Variants in GNRH1 observed in about 807,000 individuals in gnomAD.
The protein encoded by GNRH1 is gonadotropin releasing hormone 1.
Under a neutral mutation model 13.6 loss-of-function variants are expected in GNRH1, and 9 were observed. That is an observed-to-expected ratio of 0.66 (90% CI 0.40 to 1.15). The LOEUF (loss-of-function observed/expected upper bound fraction) is 1.15, where lower values mean the gene tolerates loss of function less well. Among genes scored for constraint, GNRH1 ranks in the 50% most tolerant of loss-of-function variants. The pLI, the probability that GNRH1 is intolerant of heterozygous loss-of-function variation, is 0.01. For synonymous variants in GNRH1, 44 were observed against 40.1 expected (o/e 1.10, Z -0.37); for missense variants, 116 against 110.8 (o/e 1.05, Z -0.21).
chr8:25,420,307 G>A (rs916618374), intron 3 of GNRH1, among the ~76,000 whole-genome samples: 4 of 151,502 alleles, frequency 2.6e-5, no homozygotes, highest in Admixed American at 2.0e-4. Flanking sequence ...TCAGCTACTC[G>A]GGAGGCTGAG....
At chr8:25,422,178 T>TTA (rs1801782511) in intron 2 of GNRH1, among the ~76,000 whole-genome samples, 1 of 152,184 alleles carries the variant, frequency 6.6e-6, no homozygotes, top group African/African-American at 2.4e-5. Flanking sequence ...ATGAAATGAT[T>TTA]TAAAATTTTT....
At chr8:25,419,667 G>A (rs1801747008) in intron 3 of GNRH1, among the ~76,000 whole-genome samples, 1 of 151,658 alleles carries the variant, frequency 6.6e-6, no homozygotes, top group African/African-American at 2.4e-5. Flanking sequence ...TGTCACCCAG[G>A]CTGGAGTGCA....
intron 1 of GNRH1, 61 bp from the exon 2 acceptor site, chr8:25,423,392 A>T: frequency 7.0e-7 from 1 of 1,435,592 alleles, no homozygotes; most frequent in South Asian, 1.1e-5. Context: ...AAACTAAAAG[A>T]CCTCTTTAGT....
At chr8:25,423,596 T>C (rs535981628) in intron 1 of GNRH1, 1 of 469,746 alleles carries the variant, frequency 2.1e-6, no homozygotes, top group South Asian at 2.3e-5. Context: ...TTTATTTTTA[T>C]TGTTTGGTTA....
At chr8:25,421,725 TCCATTTCCA>T in intron 2 of GNRH1, 57 bp from the exon 3 acceptor site, 2 of 778,566 alleles carry the variant, frequency 2.6e-6, no homozygotes, top group Non-Finnish European at 4.2e-6. Flanking sequence ...AATGGTGTTT[TCCATTTCCA>T]CCAAAAAATT....
At chr8:25,423,116 G>T (rs936625322) in intron 2 of GNRH1, 74 bp downstream of exon 2, 8 of 1,077,458 alleles carry the variant, frequency 7.4e-6, no homozygotes, top group East Asian at 7.1e-5. Flanking sequence ...TGACATTGGG[G>T]CTATCCTGAA....
chr8:25,422,790 C>A (rs905896539), intron 2 of GNRH1, among the ~76,000 whole-genome samples: 1 of 151,980 alleles, frequency 6.6e-6, no homozygotes, highest in Non-Finnish European at 1.5e-5. Context: ...TAAAAATGTA[C>A]TGATCTAATA....
chr8:25,420,372 C>T (rs1200729120), intron 3 of GNRH1, among the ~76,000 whole-genome samples: 1 of 54,328 alleles, frequency 1.8e-5, no homozygotes, highest in Non-Finnish European at 3.6e-5. Context: ...CGAGATTGCG[C>T]CACTGCACTC....
rs755156319 is a variant in GNRH1 at position 25,423,270 on chromosome 8, A to AG, written c.60dup (p.Cys21LeufsTer23). ...CCATAGGACCAGTGCTGGCTGGAGC[A>AG]GCCTTCCACGCACCAAGTCAGTAGA... On this transcript the variant is annotated frameshift_variant, in exon 2 of 4. Coordinates refer to ENST00000421054, the MANE Select transcript of GNRH1 (RefSeq NM_001083111.2). LOFTEE classifies it high-confidence loss of function. The AG allele has an allele frequency of 1.6e-5, 26 of 1,611,706 alleles. No individual in the cohort carries two copies. Among genetic ancestry groups the AG allele is most frequent in the Non-Finnish European group, 2.2e-5 (26 of 1,177,858 alleles).
chr8:25,421,761 A>AT, intron 2 of GNRH1, 93 bp from the exon 3 acceptor site: 1 of 271,122 alleles, frequency 3.7e-6, no homozygotes. Context: ...AGTGGGGTCA[A>AT]GGGGGATGTG....
At position 25,423,813 on chromosome 8, in the gene GNRH1, A is replaced by G. The variant is rs17790824; in HGVS notation, c.-2+388T>C. 0.042 allele frequency: 7,805 copies of G among 183,860 alleles called. 210 individuals are homozygous for G. The highest frequency in any genetic ancestry group is 0.062 in the Non-Finnish European group (5,394 of 87,666). 11.4% of individuals were successfully genotyped at this position (183,860 alleles called of 1,614,324 possible). A position where few individuals can be genotyped will look rare whatever the true frequency, so the allele number is the denominator to read the frequency against. On this transcript the variant is annotated intron_variant, in intron 1 of 3. Coordinates refer to ENST00000421054, the MANE Select transcript of GNRH1 (RefSeq NM_001083111.2). ...CCCATGGTACTAATGACATTTTTCT[A>G]TTTATCCTTCAGTCTTCCTAGCATT... is the stretch of plus-strand genomic sequence containing the variant.
At chr8:25,423,602 G>C (rs944533364) in intron 1 of GNRH1, 2 of 448,408 alleles carry the variant, frequency 4.5e-6, no homozygotes, top group African/African-American at 4.0e-5. Context: ...TTTATTGTTT[G>C]GTTATCCAAA....
chr8:25,421,662 T>G lies in GNRH1; in HGVS notation c.148A>C (p.Lys50Gln), dbSNP rs1801775241. 1 of 1,538,228 alleles carries G rather than the reference T, an allele frequency of 6.5e-7. No homozygotes were observed. The highest frequency in any genetic ancestry group is 1.4e-5 in the African/African-American group (1 of 72,982). The change falls in exon 3 of 4, where the codon AAA (lysine) becomes CAA (glutamine). Residue 50 changes from lysine to glutamine, a missense_variant. Transcript: ENST00000421054. ...GTTTCTGCCAGTTGACCAACCTCTT[T>G]GACTATCTGAAGAAAGAGAATGTGA... ...NLIDSFQEIV[K>Q]EVGQLAETQR...
At chr8:25,419,517 A>C in intron 3 of GNRH1, 57 bp from the exon 4 acceptor site, 1 of 883,278 alleles carries the variant, frequency 1.1e-6, no homozygotes, top group Non-Finnish European at 1.9e-6. Flanking sequence ...ATTTCATTAC[A>C]TTTTGACATT....
At chr8:25,422,051 T>C (rs1335980440) in intron 2 of GNRH1, among the ~76,000 whole-genome samples, 1 of 152,200 alleles carries the variant, frequency 6.6e-6, no homozygotes, top group African/African-American at 2.4e-5. Flanking sequence ...ATGTTATAGT[T>C]CAATGAGATT....
chr8:25,421,736 CA>C, intron 2 of GNRH1, 68 bp from the exon 3 acceptor site: 2 of 322,216 alleles, frequency 6.2e-6, no homozygotes, highest in Non-Finnish European at 5.8e-6. Flanking sequence ...CCATTTCCAC[CA>C]AAAAATTGTG....
In GNRH1 at chr8:25,423,280, G is replaced by A. The variant is rs771150202; in HGVS notation, c.51C>T (p.Cys17=). ...AGTGCTGGCTGGAGCAGCCTTCCACGCACCAAGTCAGTAGAATAAGGCCAG... is the reference window on the plus strand; with the variant it reads ...AGTGCTGGCTGGAGCAGCCTTCCACACACCAAGTCAGTAGAATAAGGCCAG... ...LLAGLILLTW[C]VEGCSSQHWS... is the part of the protein sequence containing the mutation. Residue 17 remains cysteine (C), a synonymous_variant, in exon 2 of 4, where the codon TGC becomes TGT. Coordinates refer to ENST00000421054, the MANE Select transcript of GNRH1 (RefSeq NM_001083111.2). The A allele has an allele frequency of 3.7e-6, 6 of 1,610,742 alleles. No homozygotes were observed. The highest frequency in any genetic ancestry group is 1.1e-5 in the South Asian group (1 of 91,024).
intron 2 of GNRH1, 105 bp downstream of exon 2, chr8:25,423,085 G>A (rs188462382): frequency 5.0e-5 from 45 of 894,008 alleles, no homozygotes; most frequent in Admixed American, 4.6e-4. Context: ...GGAGCATCTA[G>A]GGTACAACAT....
chr8:25,419,781 C>T (rs1193723591), intron 3 of GNRH1, among the ~76,000 whole-genome samples: 1 of 152,036 alleles, frequency 6.6e-6, no homozygotes, highest in Non-Finnish European at 1.5e-5. Context: ...ATCACCGCAT[C>T]TGGCTAATTT....
Sources: allele counts gnomAD v4.1 joint callset (sites outside exome capture counted in the v4.1 genomes callset), GRCh38; gene constraint gnomAD v4.1.1; transcripts MANE v1.5; gene names NCBI Gene and HGNC (gene_info 2026-07-23, HGNC 2026-07-21).